Variants in ITSN1 observed in about 807,000 individuals in gnomAD.
ITSN1 encodes the protein intersectin 1.
ITSN1 carries 58 observed loss-of-function variants against 239.8 expected under a neutral mutation model. The ratio of observed to expected loss-of-function variants is 0.24; its 90% confidence interval spans 0.20 to 0.30. The LOEUF (loss-of-function observed/expected upper bound fraction) is 0.30, where lower values mean the gene tolerates loss of function less well. Among genes scored for constraint, ITSN1 ranks in the 10% least tolerant of loss-of-function variants. The probability of loss-of-function intolerance (pLI) is 1.00; values close to 1 mark genes in which losing one functional copy is unlikely to be tolerated. For synonymous variants in ITSN1, 780 were observed against 770.8 expected, an observed-to-expected ratio of 1.01 and a Z score of -0.20; for missense variants, 1,558 against 2,103.3, an observed-to-expected ratio of 0.74 and a Z score of 5.07.
chr21:33,862,638 C>T (rs1398857151), intron 31 of ITSN1, among the ~76,000 whole-genome samples: 3 of 152,070 alleles, frequency 2.0e-5, no homozygotes, highest in African/African-American at 7.2e-5. Context: ...TGGGCAGGTG[C>T]CCAGAGCAGC....
chr21:33,751,265 A>G (rs112684656), intron 6 of ITSN1, among the ~76,000 whole-genome samples: 1 of 152,234 alleles, frequency 6.6e-6, no homozygotes, highest in Non-Finnish European at 1.5e-5. Context: ...CTAATGGCAC[A>G]TGTTGCAAGT....
chr21:33,877,002 T>A (rs1026177319), intron 34 of ITSN1, among the ~76,000 whole-genome samples: 5 of 152,046 alleles, frequency 3.3e-5, no homozygotes, highest in African/African-American at 1.2e-4. Flanking sequence ...CCTTGTTTCT[T>A]GTATTACGAT....
At chr21:33,815,677 G>T (rs1253624559) in intron 22 of ITSN1, among the ~76,000 whole-genome samples, 1 of 152,172 alleles carries the variant, frequency 6.6e-6, no homozygotes, top group Non-Finnish European at 1.5e-5. Flanking sequence ...AGTGTCAGAG[G>T]ATATAGTTGG....
chr21:33,753,430 T>A (rs1602022835), intron 7 of ITSN1, among the ~76,000 whole-genome samples: 1 of 152,090 alleles, frequency 6.6e-6, no homozygotes, highest in South Asian at 2.1e-4. Context: ...GAGCTGAGAG[T>A]TAAACCTATA....
At chr21:33,871,437 CA>C (rs3835378) in intron 33 of ITSN1, among the ~76,000 whole-genome samples, 35,029 of 146,264 alleles carry the variant, frequency 0.24, 7,951 homozygotes, top group African/African-American at 0.6. Context: ...CTCAAAAAAA[CA>C]AAAAAAAAAA....
chr21:33,742,408 A>G (rs2066916885), intron 5 of ITSN1, among the ~76,000 whole-genome samples: 1 of 152,192 alleles, frequency 6.6e-6, no homozygotes, highest in Non-Finnish European at 1.5e-5. Context: ...AAGAAATACA[A>G]ACAAAACAGA....
chr21:33,880,469 G>T (rs1984712121), intron 34 of ITSN1, among the ~76,000 whole-genome samples: 2 of 152,138 alleles, frequency 1.3e-5, no homozygotes, highest in African/African-American at 2.4e-5. Context: ...TTCTTTGAAG[G>T]TTCCTGTTGT....
intron 1 of ITSN1, among the ~76,000 whole-genome samples, chr21:33,644,526 G>C (rs1237691413): frequency 6.6e-6 from 1 of 152,158 alleles, no homozygotes; most frequent in Non-Finnish European, 1.5e-5. Flanking sequence ...GCCTGAGTAA[G>C]AGAGGAAATG....
intron 1 of ITSN1, among the ~76,000 whole-genome samples, chr21:33,699,100 T>C (rs577023545): frequency 6.6e-6 from 1 of 152,262 alleles, no homozygotes; most frequent in East Asian, 1.9e-4. Context: ...AATTTTTTTT[T>C]ATGTTTCTGA....
chr21:33,821,431 A>T (rs2073668667), intron 24 of ITSN1, among the ~76,000 whole-genome samples: 1 of 152,230 alleles, frequency 6.6e-6, no homozygotes, highest in Non-Finnish European at 1.5e-5. Flanking sequence ...CATTGAACAT[A>T]ATCAAATTTA....
intron 28 of ITSN1, among the ~76,000 whole-genome samples, chr21:33,835,918 G>A (rs369421472): frequency 5.8e-4 from 88 of 152,300 alleles, no homozygotes; most frequent in African/African-American, 1.9e-3. Context: ...GCAACAGAGC[G>A]AGGCTCTGTC....
intron 1 of ITSN1, among the ~76,000 whole-genome samples, chr21:33,658,650 C>T (rs991673745): frequency 6.6e-6 from 1 of 152,178 alleles, no homozygotes. Context: ...ATCCATTGGG[C>T]GCTTAAAACT....
At chr21:33,754,438 C>T (rs1019157311) in intron 7 of ITSN1, among the ~76,000 whole-genome samples, 3 of 152,172 alleles carry the variant, frequency 2.0e-5, no homozygotes, top group Non-Finnish European at 4.4e-5. Context: ...AGTGAAATTG[C>T]AGACAGAGCA....
At chr21:33,733,469 G>A (rs924415917) in intron 4 of ITSN1, among the ~76,000 whole-genome samples, 1 of 152,024 alleles carries the variant, frequency 6.6e-6, no homozygotes, top group Non-Finnish European at 1.5e-5. Context: ...CTAATCATAT[G>A]ATAAAAGAAA....
At chr21:33,874,796 G>A (rs1229205439) in intron 33 of ITSN1, among the ~76,000 whole-genome samples, 1 of 151,884 alleles carries the variant, frequency 6.6e-6, no homozygotes, top group East Asian at 1.9e-4. Flanking sequence ...CGACAGGCAT[G>A]CGCCACCACG....
intron 1 of ITSN1, among the ~76,000 whole-genome samples, chr21:33,703,042 C>T (rs992315440): frequency 1.3e-5 from 2 of 151,890 alleles, no homozygotes; most frequent in African/African-American, 2.4e-5. Flanking sequence ...GCCGAGATCG[C>T]ACCACTGCAC....
chr21:33,748,779 C>G (rs944543125), intron 5 of ITSN1, among the ~76,000 whole-genome samples: 4 of 151,850 alleles, frequency 2.6e-5, no homozygotes, highest in Non-Finnish European at 4.4e-5. Context: ...CTGGGACGAT[C>G]GCTTGAGCCC....
Position 33,835,052 on chromosome 21 carries a change from C to T in ITSN1, c.3469+628C>T, listed in dbSNP as rs1055668250. On this transcript the variant is annotated intron_variant, in intron 28 of 39. Transcript: ENST00000381318. ...CTGAGAGAGGTGAGGTCAGGGGGAGCAGATTTCTGCTTTAGGTCTTTAAGC... is the reference window on the plus strand; with the variant it reads ...CTGAGAGAGGTGAGGTCAGGGGGAGTAGATTTCTGCTTTAGGTCTTTAAGC... 2.2e-4 allele frequency among the ~76,000 whole-genome samples: 34 copies of T among 152,314 alleles called. 2 individuals are homozygous for T. The highest frequency in any genetic ancestry group is 2.0e-3 in the Admixed American group (30 of 15,294).
intron 23 of ITSN1, among the ~76,000 whole-genome samples, chr21:33,818,868 G>A (rs560805780): frequency 1.8e-4 from 28 of 152,240 alleles, no homozygotes; most frequent in African/African-American, 6.3e-4. Context: ...TTTTCATTAG[G>A]GTCTTATAGC....
Sources: gnomAD v4.1 joint callset for allele counts (sites outside exome capture counted in the v4.1 genomes callset) on GRCh38, gnomAD v4.1.1 for gene constraint, MANE v1.5 for transcripts, NCBI Gene and HGNC (gene_info 2026-07-23, HGNC 2026-07-21) for gene names.